The following CADM2 variants were observed in gnomAD, a reference collection of about 807,000 sequenced individuals.
The protein encoded by CADM2 is immunoglobulin superfamily member 4D.
CADM2 carries 12 observed loss-of-function variants against 49.8 expected under a neutral mutation model. That is an observed-to-expected ratio of 0.24 (90% CI 0.15 to 0.39). CADM2 has a LOEUF of 0.39. CADM2 is among the 10% of genes least tolerant of loss of function. CADM2 has a pLI of 1.00. For missense variants in CADM2, 378 were observed against 492.3 expected (o/e 0.77, Z 2.20); for synonymous variants, 214 against 175.4 (o/e 1.22, Z -1.74).
At chr3:85,920,701 AATC>A (rs1449455408) in intron 6 of CADM2, among the ~76,000 whole-genome samples, 1 of 151,602 alleles carries the variant, frequency 6.6e-6, no homozygotes, top group East Asian at 1.9e-4. Context: ...AAAGTAATTG[AATC>A]ATCAGGTATT....
At chr3:85,744,337 T>C (rs2068522424) in intron 2 of CADM2, among the ~76,000 whole-genome samples, 1 of 152,130 alleles carries the variant, frequency 6.6e-6, no homozygotes, top group African/African-American at 2.4e-5. Context: ...TAAATTTAAT[T>C]GTACATTTTT....
At chr3:85,837,483 C>T (rs1354417367) in intron 3 of CADM2, among the ~76,000 whole-genome samples, 1 of 151,436 alleles carries the variant, frequency 6.6e-6, no homozygotes, top group African/African-American at 2.4e-5. Flanking sequence ...TGGGTTTAAC[C>T]TGTTAGAATT....
intron 6 of CADM2, among the ~76,000 whole-genome samples, chr3:85,926,834 G>T (rs1169638924): frequency 6.6e-6 from 1 of 152,108 alleles, no homozygotes; most frequent in African/African-American, 2.4e-5. Context: ...CAAAGCCTTG[G>T]GCTGGCTGCT....
intron 6 of CADM2, among the ~76,000 whole-genome samples, chr3:85,930,925 TTAA>T (rs1210870960): frequency 6.7e-6 from 1 of 149,592 alleles, no homozygotes; most frequent in African/African-American, 2.4e-5. Flanking sequence ...ATTATATTAC[TTAA>T]TAATTAAATG....
chr3:85,356,240 T>C (rs1417537545), intron 1 of CADM2, among the ~76,000 whole-genome samples: 1 of 152,034 alleles, frequency 6.6e-6, no homozygotes, highest in Non-Finnish European at 1.5e-5. Context: ...TCAGGGATGT[T>C]TTTCTGTATG....
intron 1 of CADM2, among the ~76,000 whole-genome samples, chr3:85,519,291 G>A (rs985249966): frequency 1.3e-5 from 2 of 151,978 alleles, no homozygotes; most frequent in African/African-American, 4.8e-5. Context: ...ACAAAGTAAA[G>A]AATACAAAAT....
At chr3:85,057,678 C>A (rs1225024683) in intron 1 of CADM2, among the ~76,000 whole-genome samples, 1 of 152,016 alleles carries the variant, frequency 6.6e-6, no homozygotes, top group East Asian at 1.9e-4. Context: ...TACAGATAAA[C>A]AGTAGCAGAA....
rs556181162 is a variant in CADM2, at chr3:85,984,383, T to G, written c.970+22736T>G. Among the ~76,000 whole-genome samples, 84 of 151,746 alleles carry G rather than the reference T, an allele frequency of 5.5e-4. 1 individual carries two copies. The highest frequency in any genetic ancestry group is 1.0e-3 in the Non-Finnish European group (71 of 67,748). ...TTATCATATAATTTTAATTTCATAATAAACCATGTCATAATCTAGTAATCT... is the reference window on the plus strand; with the variant it reads ...TTATCATATAATTTTAATTTCATAAGAAACCATGTCATAATCTAGTAATCT... On this transcript the variant is annotated intron_variant, in intron 8 of 9. Coordinates refer to ENST00000383699, the MANE Select transcript of CADM2 (RefSeq NM_001167675.2).
At chr3:85,497,997 C>T (rs1041531343) in intron 1 of CADM2, among the ~76,000 whole-genome samples, 5 of 151,880 alleles carry the variant, frequency 3.3e-5, no homozygotes, top group African/African-American at 4.8e-5. Flanking sequence ...TATCTGTAAC[C>T]TCAATATTAA....
chr3:85,452,037 G>A (rs867225142), intron 1 of CADM2, among the ~76,000 whole-genome samples: 10 of 152,110 alleles, frequency 6.6e-5, no homozygotes, highest in African/African-American at 2.4e-4. Flanking sequence ...ATTCCAGCCT[G>A]AAATCATTTA....
chr3:85,785,491 GC>G (rs2070929414), intron 2 of CADM2, among the ~76,000 whole-genome samples: 1 of 151,906 alleles, frequency 6.6e-6, no homozygotes, highest in Non-Finnish European at 1.5e-5. Context: ...TAGTTGCGGT[GC>G]CCACTTTGCT....
At chr3:86,008,629 G>A (rs906978325) in intron 8 of CADM2, among the ~76,000 whole-genome samples, 12 of 151,952 alleles carry the variant, frequency 7.9e-5, no homozygotes, top group African/African-American at 2.9e-4. Flanking sequence ...TCACCAAAGA[G>A]GATTTAGAGG....
At chr3:85,147,260 A>T (rs572204489) in intron 1 of CADM2, among the ~76,000 whole-genome samples, 1 of 129,798 alleles carries the variant, frequency 7.7e-6, no homozygotes, top group Non-Finnish European at 1.6e-5. Context: ...TGGGCGACAG[A>T]GCCAGACTCT....
chr3:85,222,585 T>C (rs1016082456), intron 1 of CADM2, among the ~76,000 whole-genome samples: 2 of 152,184 alleles, frequency 1.3e-5, no homozygotes, highest in African/African-American at 4.8e-5. Context: ...ATCTGTAACA[T>C]GTGTAATCCA....
At chr3:85,024,417 A>G (rs1311426353) in intron 1 of CADM2, among the ~76,000 whole-genome samples, 1 of 152,100 alleles carries the variant, frequency 6.6e-6, no homozygotes, top group Non-Finnish European at 1.5e-5. Context: ...CTGATTCTAG[A>G]GCTTATTCCC....
At chr3:85,517,961 T>G (rs573138265) in intron 1 of CADM2, among the ~76,000 whole-genome samples, 56 of 152,252 alleles carry the variant, frequency 3.7e-4, no homozygotes, top group Middle Eastern at 6.8e-3. Flanking sequence ...ACTTTCTTCT[T>G]ATTTAGAAAG....
chr3:85,677,717 A>T (rs1196912856), intron 1 of CADM2, among the ~76,000 whole-genome samples: 1 of 152,214 alleles, frequency 6.6e-6, no homozygotes, highest in East Asian at 1.9e-4. Flanking sequence ...AGTCTCACAA[A>T]GTATCTTTAA....
At chr3:85,039,675 G>A (rs1353951524) in intron 1 of CADM2, among the ~76,000 whole-genome samples, 1 of 152,028 alleles carries the variant, frequency 6.6e-6, no homozygotes, top group Non-Finnish European at 1.5e-5. Context: ...AAATTACAAA[G>A]GCAAGTAGCA....
intron 1 of CADM2, among the ~76,000 whole-genome samples, chr3:85,674,495 G>A (rs1181377988): frequency 6.6e-6 from 1 of 152,076 alleles, no homozygotes; most frequent in East Asian, 1.9e-4. Flanking sequence ...AAGCAAAGAT[G>A]AAAAATTGCT....
Sources: allele counts gnomAD v4.1 joint callset (sites outside exome capture counted in the v4.1 genomes callset), GRCh38; gene constraint gnomAD v4.1.1; transcripts MANE v1.5; gene names NCBI Gene and HGNC (gene_info 2026-07-23, HGNC 2026-07-21).